The following TLR5 variants were observed in gnomAD, a reference collection of about 807,000 sequenced individuals.
TLR5 encodes toll like receptor 5, also known as toll-like receptor 5.
For missense variants in TLR5, 944 were observed against 999.8 expected, an observed-to-expected ratio of 0.94 and a Z score of 0.75; for synonymous variants, 373 against 384.4, an observed-to-expected ratio of 0.97 and a Z score of 0.35.
chr1:223,116,329 G>A (rs533068951), intron 5 of TLR5, among the ~76,000 whole-genome samples: 3 of 152,086 alleles, frequency 2.0e-5, no homozygotes, highest in South Asian at 2.1e-4. Flanking sequence ...TCATGGCCTC[G>A]CTGGCTTCAG....
chr1:223,143,169 C>T (rs1188785181), intron 1 of TLR5, 27 bp downstream of exon 1: 3 of 152,254 alleles, frequency 2.0e-5, no homozygotes, highest in Non-Finnish European at 4.4e-5. Context: ...GCCCCCGGCC[C>T]ATCCCCTGCC....
intron 5 of TLR5, among the ~76,000 whole-genome samples, chr1:223,120,002 T>TAAAATAAAATAAAAAAAATAAAA (rs1656880437): frequency 3.1e-5 from 4 of 129,234 alleles, no homozygotes; most frequent in East Asian, 2.2e-4. Flanking sequence ...TAAAATAAAA[T>TAAAATAAAATAAAAAAAATAAAA]AAAATAAAAT....
chr1:223,110,344 A>G lies in TLR5; in HGVS notation c.*111T>C. ...GAGAGATTTATGTTGTTTTCATAGTAGCAAAAAGAAAAAAAAAACCTCCAG... is the reference window on the plus strand; with the variant it reads ...GAGAGATTTATGTTGTTTTCATAGTGGCAAAAAGAAAAAAAAAACCTCCAG... On this transcript the variant is annotated 3_prime_UTR_variant, in exon 6 of 6. Transcript: ENST00000642603. 1 of 1,087,574 alleles carries G rather than the reference A, an allele frequency of 9.2e-7. No homozygotes were observed. Among genetic ancestry groups the G allele is most frequent in the Non-Finnish European group, 1.4e-6 (1 of 736,738 alleles). 67.4% of individuals were successfully genotyped at this position (1,087,574 alleles called of 1,614,324 possible).
intron 2 of TLR5, among the ~76,000 whole-genome samples, chr1:223,139,568 C>T (rs1361642): frequency 0.078 from 11,817 of 152,140 alleles, 782 homozygotes; most frequent in African/African-American, 0.17. Flanking sequence ...GGCTGCCAAA[C>T]AGCATGGACA....
At chr1:223,117,170 C>T (rs900377401) in intron 5 of TLR5, among the ~76,000 whole-genome samples, 1 of 151,988 alleles carries the variant, frequency 6.6e-6, no homozygotes, top group African/African-American at 2.4e-5. Context: ...TGCTGGGGGA[C>T]CCGGGGCCCC....
intron 5 of TLR5, among the ~76,000 whole-genome samples, chr1:223,124,636 G>A (rs973460129): frequency 6.6e-6 from 1 of 152,066 alleles, no homozygotes; most frequent in Non-Finnish European, 1.5e-5. Flanking sequence ...TTTTTGAGAT[G>A]AAGTCTCAAT....
rs1246975179 is a variant in TLR5, at chr1:223,111,713, A to C, written c.1319T>G (p.Ile440Ser). ...LSENRLENLD[I>S]LYFLLRVPHL... is the part of the protein sequence containing the mutation. ...AGGTACCCGTAGGAGAAAGTAGAGAATATCTAGATTTTCTAGCCTGTTTTC... is the reference window on the plus strand; with the variant it reads ...AGGTACCCGTAGGAGAAAGTAGAGACTATCTAGATTTTCTAGCCTGTTTTC... The change falls in exon 6 of 6, where the codon ATT becomes AGT. Residue 440 changes from isoleucine (I) to serine (S), a missense_variant. Coordinates refer to ENST00000642603, the MANE Select transcript of TLR5 (RefSeq NM_003268.6). The C allele has an allele frequency of 5.6e-6, 9 of 1,614,058 alleles. No individual in the cohort carries two copies. The East Asian group carries it at 1.3e-4, about 24-fold the overall frequency.
At chr1:223,128,549 GC>G (rs1215533831) in intron 5 of TLR5, 1 of 152,188 alleles carries the variant, frequency 6.6e-6, no homozygotes, top group African/African-American at 2.4e-5. Flanking sequence ...TGGGAGTGAG[GC>G]AGTAGAATAG....
At chr1:223,117,786 TA>T (rs1422545815) in intron 5 of TLR5, among the ~76,000 whole-genome samples, 11 of 152,298 alleles carry the variant, frequency 7.2e-5, no homozygotes, top group African/African-American at 2.6e-4. Context: ...GTCACAGTGA[TA>T]GGGGTGGGTA....
intron 5 of TLR5, 43 bp from the exon 6 acceptor site, chr1:223,113,078 C>A (rs746479622): frequency 1.3e-6 from 2 of 1,592,322 alleles, no homozygotes; most frequent in South Asian, 1.1e-5. Context: ...CATTTAAGCT[C>A]GAGGTATTGC....
chr1:223,111,747 G>A lies in TLR5; in HGVS notation c.1285C>T (p.His429Tyr), dbSNP rs531911365. 6.2e-7 allele frequency: 1 copy of A among 1,614,104 alleles called. No individual in the cohort carries two copies. The highest frequency in any genetic ancestry group is 1.3e-5 in the African/African-American group (1 of 75,020). ...PKINLTANLI[H>Y]LSENRLENLD... ...TTTTCTAGCCTGTTTTCTGATAAGT[G>A]GATGAGGTTCGCTGTAAGGTTGATC... Residue 429 changes from histidine (H) to tyrosine (Y), a missense_variant, in exon 6 of 6, where the codon CAC becomes TAC. Coordinates refer to ENST00000642603, the MANE Select transcript of TLR5 (RefSeq NM_003268.6).
At chr1:223,133,786 G>A (rs851176) in intron 4 of TLR5, among the ~76,000 whole-genome samples, 4,996 of 152,244 alleles carry the variant, frequency 0.033, 295 homozygotes, top group African/African-American at 0.11. Flanking sequence ...CTAAGGAAAC[G>A]GGACAGCTTG....
In TLR5 at chr1:223,122,828, T is replaced by G. The variant is rs75255331; in HGVS notation, c.-5+9647A>C. Among the ~76,000 whole-genome samples the G allele has an allele frequency of 7.2e-3, 1,095 of 152,326 alleles. 12 individuals carry two copies. The highest frequency in any genetic ancestry group is 0.025 in the African/African-American group (1,049 of 41,566). On this transcript the variant is annotated intron_variant, in intron 5 of 5. Transcript: ENST00000642603. ...AATTTTGAACCCAGTTTCAGAGGAT[T>G]TGCTGACTTCCTGAGGCCTGTCCAT...
intron 4 of TLR5, among the ~76,000 whole-genome samples, 159 bp from the exon 5 acceptor site, chr1:223,132,798 T>C (rs1037312065): frequency 3.3e-5 from 5 of 152,242 alleles, no homozygotes; most frequent in African/African-American, 9.6e-5. Context: ...GACCATTTTG[T>C]AAATCAAGGC....
At chr1:223,137,127 T>G (rs975784039) in intron 3 of TLR5, 51 bp downstream of exon 3, 3 of 152,248 alleles carry the variant, frequency 2.0e-5, no homozygotes, top group African/African-American at 7.2e-5. Context: ...CTGGCCTTAT[T>G]GACTATTAAA....
chr1:223,119,747 G>T (rs1030718259), intron 5 of TLR5, among the ~76,000 whole-genome samples: 3 of 151,622 alleles, frequency 2.0e-5, no homozygotes, highest in Non-Finnish European at 4.4e-5. Context: ...ATCATCTGAG[G>T]TCAGGAGTTC....
At chr1:223,125,624 CG>C (rs1657134989) in intron 5 of TLR5, among the ~76,000 whole-genome samples, 1 of 77,250 alleles carries the variant, frequency 1.3e-5, no homozygotes, top group African/African-American at 5.3e-5. Flanking sequence ...ATGGTGGTGG[CG>C]GTGGGGGTTG....
chr1:223,135,773 A>G (rs1303074516), intron 3 of TLR5, among the ~76,000 whole-genome samples: 1 of 152,214 alleles, frequency 6.6e-6, no homozygotes, highest in Non-Finnish European at 1.5e-5. Context: ...TTGAAGATAC[A>G]TAGTGGAAAA....
At position 223,110,362 on chromosome 1, in the gene TLR5, A is replaced by G; in HGVS notation, c.*93T>C. 1 of 1,359,512 alleles carries G rather than the reference A, an allele frequency of 7.4e-7. No homozygotes were observed. Among genetic ancestry groups the G allele is most frequent in the Non-Finnish European group, 1.0e-6 (1 of 979,816 alleles). The allele number at this position is 1,359,512 out of a possible 1,614,324, so 84.2% of individuals were successfully genotyped here. On this transcript the variant is annotated 3_prime_UTR_variant, in exon 6 of 6. Transcript: ENST00000642603. ...TCATAGTAGCAAAAAGAAAAAAAAA[A>G]CCTCCAGAGAGGACCCCAAAATGAT... is the stretch of plus-strand genomic sequence containing the variant.
Sources: gnomAD v4.1 joint callset for allele counts (sites outside exome capture counted in the v4.1 genomes callset) on GRCh38, gnomAD v4.1.1 for gene constraint, MANE v1.5 for transcripts, NCBI Gene and HGNC (gene_info 2026-07-23, HGNC 2026-07-21) for gene names.